GPATCH2: variants seen among roughly 807,000 people sequenced by gnomAD.
The protein encoded by GPATCH2 is G-patch domain containing 2, also known as G patch domain-containing protein 2.
A neutral mutation model predicts 58.0 loss-of-function variants in GPATCH2; 51 were observed. The observed-to-expected ratio is 0.88, with a 90% CI of 0.70 to 1.11. The LOEUF is 1.11. Among genes scored for constraint, GPATCH2 ranks in the 50% most tolerant of loss-of-function variants. GPATCH2 has a pLI of 0.00. For missense variants in GPATCH2, 625 were observed against 652.2 expected, an observed-to-expected ratio of 0.96 and a Z score of 0.45; for synonymous variants, 222 against 218.5, an observed-to-expected ratio of 1.02 and a Z score of -0.14.
At chr1:217,477,998 A>C (rs754341911) in intron 8 of GPATCH2, among the ~76,000 whole-genome samples, 8 of 152,228 alleles carry the variant, frequency 5.3e-5, no homozygotes, top group Non-Finnish European at 8.8e-5. Flanking sequence ...GAAGAGAATT[A>C]GAATCTCTGC....
At chr1:217,440,085 C>A (rs1659063500) in intron 9 of GPATCH2, among the ~76,000 whole-genome samples, 1 of 152,288 alleles carries the variant, frequency 6.6e-6, no homozygotes, top group African/African-American at 2.4e-5. Flanking sequence ...GCTAATATCC[C>A]TGATGAACAT....
intron 5 of GPATCH2, among the ~76,000 whole-genome samples, chr1:217,565,132 T>G (rs552883128): frequency 1.3e-5 from 2 of 152,298 alleles, no homozygotes; most frequent in East Asian, 3.9e-4. Flanking sequence ...ATTTGAGATT[T>G]TAGTCACTGA....
chr1:217,585,561 A>C (rs1282971639), intron 5 of GPATCH2, among the ~76,000 whole-genome samples: 1 of 152,172 alleles, frequency 6.6e-6, no homozygotes, highest in Non-Finnish European at 1.5e-5. Context: ...CAGAGGTTGT[A>C]GTTAGCCGAG....
chr1:217,547,270 G>A (rs1665103184), intron 5 of GPATCH2, among the ~76,000 whole-genome samples: 1 of 152,068 alleles, frequency 6.6e-6, no homozygotes, highest in Admixed American at 6.6e-5. Flanking sequence ...AGCTGAGGCA[G>A]GAGAATTGTT....
intron 9 of GPATCH2, among the ~76,000 whole-genome samples, chr1:217,440,466 C>T (rs1659081632): frequency 6.6e-6 from 1 of 152,130 alleles, no homozygotes; most frequent in African/African-American, 2.4e-5. Context: ...CAAGGATGCC[C>T]TCTCTCACCA....
At chr1:217,614,313 C>G in intron 2 of GPATCH2, 111 bp from the exon 3 acceptor site, 1 of 652,724 alleles carries the variant, frequency 1.5e-6, no homozygotes. Context: ...TGACAAAGAT[C>G]TGAAAGAAAA....
chr1:217,610,426 G>A (rs1668570596), intron 4 of GPATCH2, 26 bp from the exon 5 acceptor site: 2 of 1,348,754 alleles, frequency 1.5e-6, no homozygotes, highest in African/African-American at 2.9e-5. Context: ...ACTCAATTTA[G>A]AAGTTTTCTA....
chr1:217,507,947 A>G (rs1383411893), intron 6 of GPATCH2, among the ~76,000 whole-genome samples: 2 of 152,158 alleles, frequency 1.3e-5, no homozygotes, highest in East Asian at 3.9e-4. Context: ...AGTGGTGCAT[A>G]TGAAAATTAT....
At chr1:217,626,123 C>T (rs1669442386) in intron 1 of GPATCH2, among the ~76,000 whole-genome samples, 1 of 152,134 alleles carries the variant, frequency 6.6e-6, no homozygotes, top group Non-Finnish European at 1.5e-5. Context: ...CATGGATTAT[C>T]AGTTCTTCAA....
chr1:217,599,148 C>A (rs2102787591), intron 5 of GPATCH2, among the ~76,000 whole-genome samples: 1 of 152,186 alleles, frequency 6.6e-6, no homozygotes, highest in Non-Finnish European at 1.5e-5. Flanking sequence ...GAGAACATAA[C>A]ACCATCTGGA....
At chr1:217,596,342 T>G (rs10779300) in intron 5 of GPATCH2, among the ~76,000 whole-genome samples, 108,728 of 151,984 alleles carry the variant, frequency 0.72, 39,152 homozygotes, top group East Asian at 0.92. Flanking sequence ...TACAAGGAAT[T>G]CTGTATAGCT....
chr1:217,515,788 G>A (rs1663110324), intron 5 of GPATCH2, among the ~76,000 whole-genome samples: 1 of 124,494 alleles, frequency 8.0e-6, no homozygotes, highest in East Asian at 3.0e-4. Context: ...AAAGACCAGT[G>A]ACTTATTACA....
intron 2 of GPATCH2, among the ~76,000 whole-genome samples, chr1:217,614,575 C>G (rs1017077283): frequency 6.6e-6 from 1 of 151,974 alleles, no homozygotes; most frequent in East Asian, 1.9e-4. Flanking sequence ...TGGGAAAAGT[C>G]TCAATCAAAA....
intron 1 of GPATCH2, among the ~76,000 whole-genome samples, chr1:217,625,659 G>A (rs971811808): frequency 6.6e-6 from 1 of 152,154 alleles, no homozygotes; most frequent in African/African-American, 2.4e-5. Context: ...ATATGCATGT[G>A]TGTCTACTAA....
chr1:217,611,943 G>A (rs1424693846), intron 3 of GPATCH2, among the ~76,000 whole-genome samples: 1 of 152,094 alleles, frequency 6.6e-6, no homozygotes, highest in Admixed American at 6.6e-5. Flanking sequence ...GCTTTGAGAG[G>A]CCAAAGTGGG....
chr1:217,439,047 C>T (rs1658997257), intron 9 of GPATCH2, among the ~76,000 whole-genome samples: 1 of 152,208 alleles, frequency 6.6e-6, no homozygotes, highest in Admixed American at 6.5e-5. Context: ...GAACTCTCCA[C>T]TGCAAATCAA....
At chr1:217,515,193 T>A (rs192548754) in intron 5 of GPATCH2, among the ~76,000 whole-genome samples, 137 of 152,032 alleles carry the variant, frequency 9.0e-4, no homozygotes, top group African/African-American at 3.2e-3. Flanking sequence ...CCTCCCAGGT[T>A]CACGCCATTC....
At chr1:217,460,012 A>C (rs892246510) in intron 8 of GPATCH2, among the ~76,000 whole-genome samples, 1 of 152,116 alleles carries the variant, frequency 6.6e-6, no homozygotes, top group Admixed American at 6.5e-5. Context: ...ATATATATTT[A>C]ATTTTATTTT....
At position 217,525,265 on chromosome 1, in the gene GPATCH2, T is replaced by A. The variant is rs553579940; in HGVS notation, c.1099-10376A>T. On this transcript the variant is annotated intron_variant, in intron 5 of 9. Transcript: ENST00000366935. ...TTCACAGGGTTATCTAGCTGACATA[T>A]AAGATAACCCTCCATCTCACTAGAC... 1.9e-3 allele frequency among the ~76,000 whole-genome samples: 292 copies of A among 152,102 alleles called. 1 individual carries two copies. The highest frequency in any genetic ancestry group is 5.9e-3 in the African/African-American group (244 of 41,518).
Sources: allele counts gnomAD v4.1 joint callset (sites outside exome capture counted in the v4.1 genomes callset), GRCh38; gene constraint gnomAD v4.1.1; transcripts MANE v1.5; gene names NCBI Gene and HGNC (gene_info 2026-07-23, HGNC 2026-07-21).